Variants in GFRA2 observed in about 807,000 individuals in gnomAD.
GFRA2 encodes the protein GDNF family receptor alpha-2.
GFRA2 carries 17 observed loss-of-function variants against 48.3 expected under a neutral mutation model. The observed-to-expected ratio is 0.35, with a 90% confidence interval of 0.24 to 0.53. GFRA2 has a LOEUF of 0.53. GFRA2 is among the 20% of genes least tolerant of loss of function. The pLI, the probability that GFRA2 is intolerant of heterozygous loss-of-function variation, is 0.93. For synonymous variants in GFRA2, 305 were observed against 257.2 expected (o/e 1.19, Z -1.78); for missense variants, 660 against 637.3 (o/e 1.04, Z -0.38).
intron 3 of GFRA2, among the ~76,000 whole-genome samples, chr8:21,756,516 T>G (rs4451302): frequency 0.54 from 82,599 of 151,982 alleles, 25,332 homozygotes; most frequent in African/African-American, 0.85. Flanking sequence ...GCTGGGCACA[T>G]GGCCAGCCAC....
At chr8:21,736,065 C>T (rs1000019854) in intron 4 of GFRA2, among the ~76,000 whole-genome samples, 4 of 152,254 alleles carry the variant, frequency 2.6e-5, no homozygotes, top group Non-Finnish European at 5.9e-5. Flanking sequence ...GGAAGTCCCA[C>T]GTTGGGGATC....
At chr8:21,809,195 G>A (rs890339620) in intron 1 of GFRA2, among the ~76,000 whole-genome samples, 1 of 152,176 alleles carries the variant, frequency 6.6e-6, no homozygotes, top group East Asian at 1.9e-4. Flanking sequence ...CCTGTTTGTC[G>A]CTGGCTGCTG....
intron 4 of GFRA2, among the ~76,000 whole-genome samples, chr8:21,737,539 G>A (rs1230111441): frequency 2.0e-5 from 3 of 152,080 alleles, no homozygotes; most frequent in Admixed American, 6.5e-5. Flanking sequence ...GCCCCTGCCT[G>A]TTCAGTGTCT....
intron 3 of GFRA2, among the ~76,000 whole-genome samples, chr8:21,760,973 A>T (rs545901322): frequency 6.6e-6 from 1 of 152,252 alleles, no homozygotes; most frequent in South Asian, 2.1e-4. Flanking sequence ...TCACAATGAG[A>T]TGTAGAATAA....
At chr8:21,706,232 G>A (rs1254025506) in intron 4 of GFRA2, among the ~76,000 whole-genome samples, 191 bp from the exon 5 acceptor site, 4 of 152,194 alleles carry the variant, frequency 2.6e-5, no homozygotes, top group Non-Finnish European at 5.9e-5. Flanking sequence ...CTTGAGGACA[G>A]AGACTTCCCG....
chr8:21,783,416 A>G (rs1807111673), intron 1 of GFRA2, among the ~76,000 whole-genome samples: 1 of 152,088 alleles, frequency 6.6e-6, no homozygotes, highest in Non-Finnish European at 1.5e-5. Context: ...GACCTTATAG[A>G]CACCATAGAG....
At chr8:21,711,181 G>C (rs886905303) in intron 4 of GFRA2, among the ~76,000 whole-genome samples, 14 of 152,336 alleles carry the variant, frequency 9.2e-5, no homozygotes, top group Non-Finnish European at 8.8e-5. Flanking sequence ...TCCAACACCA[G>C]GAGGTCACTC....
intron 4 of GFRA2, among the ~76,000 whole-genome samples, chr8:21,739,754 A>G (rs887747835): frequency 1.2e-4 from 18 of 152,196 alleles, no homozygotes; most frequent in African/African-American, 4.1e-4. Flanking sequence ...CTTCCACTGC[A>G]GGAGCCAGGG....
intron 1 of GFRA2, among the ~76,000 whole-genome samples, chr8:21,806,279 A>G (rs1807864796): frequency 6.6e-6 from 1 of 152,194 alleles, no homozygotes; most frequent in Non-Finnish European, 1.5e-5. Context: ...ACTACTTCCA[A>G]TATGCATGCA....
intron 4 of GFRA2, among the ~76,000 whole-genome samples, chr8:21,735,792 G>A (rs948897690): frequency 6.6e-6 from 1 of 151,552 alleles, no homozygotes; most frequent in Non-Finnish European, 1.5e-5. Context: ...TCAGCTTCCT[G>A]AGTAGCCGGG....
chr8:21,693,279 T>C lies in GFRA2; in HGVS notation c.1394A>G (p.Ter465TrpextTer10). 1 of 1,610,998 alleles carries C rather than the reference T, an allele frequency of 6.2e-7. No individual in the cohort carries two copies. The highest frequency in any genetic ancestry group is 8.5e-7 in the Non-Finnish European group (1 of 1,178,460). ...LSVLMLKLAL[*>W] ...ATATTCTGACTCGGTTCCCACAGCC[T>C]ACAAGGCCAGTTTCAGCATCAGGAC... The change falls in exon 9 of 9, where the codon TAG becomes TGG. Residue 465 changes from the stop codon to tryptophan (W), a stop_lost. Transcript: ENST00000524240.
At chr8:21,715,589 A>G (rs1489602785) in intron 4 of GFRA2, among the ~76,000 whole-genome samples, 1 of 152,158 alleles carries the variant, frequency 6.6e-6, no homozygotes, top group African/African-American at 2.4e-5. Context: ...GTTCTATTAA[A>G]GGCTGTATGC....
chr8:21,726,848 G>A (rs1803895492), intron 4 of GFRA2, among the ~76,000 whole-genome samples: 1 of 149,212 alleles, frequency 6.7e-6, no homozygotes, highest in African/African-American at 2.5e-5. Flanking sequence ...CACTTCCCCA[G>A]TTCAAGCAAT....
In GFRA2 at chr8:21,788,188, T is replaced by C. The variant is rs878999103; in HGVS notation, c.-29A>G. 1 of 1,600,502 alleles carries C rather than the reference T, an allele frequency of 6.2e-7. No homozygotes were observed. The highest frequency in any genetic ancestry group is 1.1e-5 in the South Asian group (1 of 88,820). On this transcript the variant is annotated 5_prime_UTR_variant, in exon 1 of 9. Coordinates refer to ENST00000524240, the MANE Select transcript of GFRA2 (RefSeq NM_001495.5). ...AAATAAATCCCACCGTTTTTTTGTC[T>C]TTCTCCCTTGGGTAAAAAAAAATAA...
intron 3 of GFRA2, among the ~76,000 whole-genome samples, chr8:21,766,051 G>C (rs1385694168): frequency 6.6e-6 from 1 of 152,040 alleles, no homozygotes; most frequent in African/African-American, 2.4e-5. Context: ...ATCATACTGT[G>C]CTAGTCAACC....
intron 3 of GFRA2, among the ~76,000 whole-genome samples, chr8:21,752,966 C>T (rs367674340): frequency 4.6e-5 from 7 of 152,152 alleles, no homozygotes; most frequent in Admixed American, 4.6e-4. Flanking sequence ...CTGTTAAGAG[C>T]CTCCTTCTCC....
At chr8:21,761,106 A>T (rs975118140) in intron 3 of GFRA2, among the ~76,000 whole-genome samples, 3 of 152,080 alleles carry the variant, frequency 2.0e-5, no homozygotes, top group African/African-American at 7.2e-5. Context: ...TAAAGCCACC[A>T]CAACCATCAC....
Position 21,692,101 on chromosome 8 carries a change from G to A in GFRA2, c.*1177C>T, listed in dbSNP as rs1343094493. On this transcript the variant is annotated 3_prime_UTR_variant, in exon 9 of 9. Coordinates refer to ENST00000524240, the MANE Select transcript of GFRA2 (RefSeq NM_001495.5). ...CCACCAGAGCCCAGCCAGGCTGACT[G>A]GGGCAGGGCACTGCGGGGCCAATGT... is the stretch of plus-strand genomic sequence containing the variant. 1 of 152,644 alleles carries A rather than the reference G, an allele frequency of 6.6e-6. No individual in the cohort carries two copies. Among genetic ancestry groups the A allele is most frequent in the Admixed American group, 6.5e-5 (1 of 15,282 alleles). The allele number at this position is 152,644 out of a possible 1,614,324, so 9.5% of individuals were successfully genotyped here.
chr8:21,788,061 G>T, intron 1 of GFRA2, 59 bp downstream of exon 1: 2 of 294,730 alleles, frequency 6.8e-6, no homozygotes, highest in Non-Finnish European at 1.2e-5. Flanking sequence ...CGCTCCGCTC[G>T]CCCCCCGCCT....
Sources: gnomAD v4.1 joint callset for allele counts (sites outside exome capture counted in the v4.1 genomes callset) on GRCh38, gnomAD v4.1.1 for gene constraint, MANE v1.5 for transcripts, NCBI Gene and HGNC (gene_info 2026-07-23, HGNC 2026-07-21) for gene names.